Variants in CHD7 observed in about 807,000 individuals in gnomAD.
CHD7 encodes the protein ATP-dependent chromatin remodeler CHD7.
In CHD7, 24 loss-of-function variants were observed where a neutral mutation model predicts 307.3. The observed-to-expected ratio is 0.08, with a 90% CI of 0.06 to 0.11. The LOEUF is 0.11. Among genes scored for constraint, CHD7 ranks in the 10% least tolerant of loss-of-function variants. The probability of loss-of-function intolerance (pLI) is 1.00; values close to 1 mark genes in which losing one functional copy is unlikely to be tolerated. For missense variants in CHD7, 3,106 were observed against 3,727.1 expected, an observed-to-expected ratio of 0.83 and a Z score of 4.34; for synonymous variants, 1,363 against 1,349.9, an observed-to-expected ratio of 1.01 and a Z score of -0.21.
intron 32 of CHD7, 48 bp downstream of exon 32, chr8:60,854,571 G>C: frequency 6.8e-7 from 1 of 1,472,896 alleles, no homozygotes; most frequent in Non-Finnish European, 9.1e-7. Flanking sequence ...AAAGGATTAG[G>C]GTAGAGGAAA....
chr8:60,755,044 G>T (rs1008010545), intron 2 of CHD7, among the ~76,000 whole-genome samples: 14 of 152,146 alleles, frequency 9.2e-5, no homozygotes, highest in Non-Finnish European at 1.2e-4. Context: ...TAGTGGATGG[G>T]TTCCTGTTGA....
At chr8:60,702,883 G>T (rs1806833969) in intron 1 of CHD7, among the ~76,000 whole-genome samples, 1 of 152,240 alleles carries the variant, frequency 6.6e-6, no homozygotes, top group Admixed American at 6.5e-5. Flanking sequence ...CCATATGTTT[G>T]CATGTGAGAG....
chr8:60,683,820 A>G (rs898018771), intron 1 of CHD7, among the ~76,000 whole-genome samples: 2 of 152,046 alleles, frequency 1.3e-5, no homozygotes, highest in African/African-American at 2.4e-5. Flanking sequence ...ACTCAAAGGT[A>G]CCTTTAGGCT....
intron 1 of CHD7, among the ~76,000 whole-genome samples, chr8:60,733,771 A>C (rs759243674): frequency 6.8e-6 from 1 of 147,918 alleles, no homozygotes; most frequent in Non-Finnish European, 1.5e-5. Flanking sequence ...AAGGAACAAA[A>C]GAACAGCTTT....
At chr8:60,732,812 C>T (rs1416192554) in intron 1 of CHD7, among the ~76,000 whole-genome samples, 1 of 152,122 alleles carries the variant, frequency 6.6e-6, no homozygotes, top group African/African-American at 2.4e-5. Context: ...GGTTGAAATA[C>T]ATTTCTGAAA....
At chr8:60,807,836 T>C (rs868449725) in intron 6 of CHD7, among the ~76,000 whole-genome samples, 5 of 152,234 alleles carry the variant, frequency 3.3e-5, no homozygotes, top group Admixed American at 6.5e-5. Flanking sequence ...ATAATACATA[T>C]GGCATTCAGG....
At chr8:60,684,878 C>T (rs1274293888) in intron 1 of CHD7, among the ~76,000 whole-genome samples, 1 of 152,074 alleles carries the variant, frequency 6.6e-6, no homozygotes, top group Non-Finnish European at 1.5e-5. Flanking sequence ...TTGTTGTGGT[C>T]TGTGGGATGG....
rs917528606 is a variant in CHD7 at position 60,717,967 on chromosome 8, T to A, written c.-174-23292T>A. Among the ~76,000 whole-genome samples the A allele has an allele frequency of 1.0e-4, 11 of 107,026 alleles. No homozygotes were observed. The Admixed American group carries it at 1.1e-3, about 11-fold the overall frequency. The allele number at this position is 107,026 out of a possible 152,430, so 70.2% of individuals were successfully genotyped here. A position where few individuals can be genotyped will look rare whatever the true frequency, so the allele number is the denominator to read the frequency against. ...AGTATACCCCTTCTACCATTTTTTT[T>A]TAAATTTAACTGTAAAACATCTTCA... On this transcript the variant is annotated intron_variant, in intron 1 of 37. Transcript: ENST00000423902.
At chr8:60,730,118 G>A (rs899059222) in intron 1 of CHD7, among the ~76,000 whole-genome samples, 1 of 152,196 alleles carries the variant, frequency 6.6e-6, no homozygotes, top group East Asian at 1.9e-4. Flanking sequence ...GCTTTGTATT[G>A]TAGTTTTAAA....
At chr8:60,847,282 A>C (rs962129085) in intron 23 of CHD7, among the ~76,000 whole-genome samples, 2 of 152,006 alleles carry the variant, frequency 1.3e-5, no homozygotes, top group African/African-American at 4.8e-5. Flanking sequence ...TGTTATTTTG[A>C]AGTTTTAGGG....
chr8:60,854,322 A>T, intron 31 of CHD7, 41 bp from the exon 32 acceptor site: 3 of 1,586,954 alleles, frequency 1.9e-6, no homozygotes, highest in Admixed American at 3.4e-5. Context: ...AGTTTCCCTG[A>T]TACTGTGGTT....
intron 13 of CHD7, among the ~76,000 whole-genome samples, chr8:60,828,120 A>G (rs1804338481): frequency 6.6e-6 from 1 of 152,160 alleles, no homozygotes; most frequent in Non-Finnish European, 1.5e-5. Flanking sequence ...CATCTGATTA[A>G]AAAAAAGTGA....
At chr8:60,799,387 G>T (rs1455788942) in intron 4 of CHD7, among the ~76,000 whole-genome samples, 3 of 152,174 alleles carry the variant, frequency 2.0e-5, no homozygotes, top group African/African-American at 7.2e-5. Flanking sequence ...GTTTGCCAGT[G>T]ATCCTGCTAA....
At chr8:60,726,873 G>T (rs1199741323) in intron 1 of CHD7, among the ~76,000 whole-genome samples, 1 of 152,066 alleles carries the variant, frequency 6.6e-6, no homozygotes, top group Admixed American at 6.5e-5. Flanking sequence ...GTGTCCCAGG[G>T]GGTTCTGCCT....
At chr8:60,765,084 A>G (rs1340364580) in intron 2 of CHD7, among the ~76,000 whole-genome samples, 1 of 152,278 alleles carries the variant, frequency 6.6e-6, no homozygotes, top group East Asian at 1.9e-4. Context: ...CAGTACCCAG[A>G]CTGAGGAGAT....
chr8:60,729,906 G>A (rs1808354795), intron 1 of CHD7, among the ~76,000 whole-genome samples: 1 of 152,068 alleles, frequency 6.6e-6, no homozygotes, highest in African/African-American at 2.4e-5. Context: ...GAAATATGAA[G>A]TTTACTTACA....
intron 15 of CHD7, among the ~76,000 whole-genome samples, chr8:60,832,046 G>A (rs1038229002): frequency 1.3e-5 from 2 of 151,816 alleles, no homozygotes; most frequent in Non-Finnish European, 1.5e-5. Context: ...TCTTGAGATA[G>A]GTTCTCACTC....
At chr8:60,819,245 G>C (rs1031548914) in intron 8 of CHD7, among the ~76,000 whole-genome samples, 1 of 152,152 alleles carries the variant, frequency 6.6e-6, no homozygotes, top group South Asian at 2.1e-4. Flanking sequence ...GAGTCACTGT[G>C]CCCAGCCTAT....
intron 34 of CHD7, among the ~76,000 whole-genome samples, chr8:60,858,705 T>C (rs1245365566): frequency 6.6e-6 from 1 of 152,358 alleles, no homozygotes; most frequent in East Asian, 1.9e-4. Context: ...ACTTCTGGGC[T>C]CAATTGATTC....
Sources: gnomAD v4.1 joint callset for allele counts (sites outside exome capture counted in the v4.1 genomes callset) on GRCh38, gnomAD v4.1.1 for gene constraint, MANE v1.5 for transcripts, NCBI Gene and HGNC (gene_info 2026-07-23, HGNC 2026-07-21) for gene names.